The following PRKN variants were observed in gnomAD, a reference collection of about 807,000 sequenced individuals.
PRKN encodes parkin RBR E3 ubiquitin protein ligase, also known as E3 ubiquitin-protein ligase parkin.
Under a neutral mutation model 59.5 loss-of-function variants are expected in PRKN, and 56 were observed. The ratio of observed to expected loss-of-function variants is 0.94; its 90% CI spans 0.76 to 1.18. PRKN has a LOEUF of 1.18. PRKN is among the 50% of genes most tolerant of loss of function. The pLI is 0.00. For missense variants in PRKN, 657 were observed against 596.4 expected, an observed-to-expected ratio of 1.10 and a Z score of -1.06; for synonymous variants, 250 against 222.1, an observed-to-expected ratio of 1.13 and a Z score of -1.12.
intron 5 of PRKN, among the ~76,000 whole-genome samples, chr6:162,008,044 C>A (rs185687532): frequency 1.3e-5 from 2 of 152,228 alleles, no homozygotes; most frequent in Admixed American, 6.5e-5. Flanking sequence ...TGAAGTTCAA[C>A]TGAAAAAACT....
chr6:161,398,562 C>A (rs1467345290), intron 9 of PRKN, among the ~76,000 whole-genome samples: 1 of 152,186 alleles, frequency 6.6e-6, no homozygotes, highest in Non-Finnish European at 1.5e-5. Context: ...GAACTCCACT[C>A]AGAATGTATG....
chr6:162,263,705 G>T (rs1232079307), intron 2 of PRKN, among the ~76,000 whole-genome samples: 2 of 152,030 alleles, frequency 1.3e-5, no homozygotes, highest in African/African-American at 4.8e-5. Flanking sequence ...TCTAATCCCA[G>T]CACTTTGAGA....
rs143363605 is a variant in PRKN at position 161,452,247 on chromosome 6, G to A, written c.1084-65370C>T. On this transcript the variant is annotated intron_variant, in intron 9 of 11. Transcript: ENST00000366898. ...ATTACAGGCATGAGCCACTGCGCCC[G>A]GCCTTAACACACTCTTAAGTACTTC... Among the ~76,000 whole-genome samples, 323 of 152,212 alleles carry A rather than the reference G, an allele frequency of 2.1e-3. 1 individual carries two copies. Among genetic ancestry groups the A allele is most frequent in the African/African-American group, 7.2e-3 (301 of 41,534 alleles).
chr6:162,572,068 A>G (rs2128208976), intron 1 of PRKN, among the ~76,000 whole-genome samples: 1 of 152,082 alleles, frequency 6.6e-6, no homozygotes, highest in East Asian at 1.9e-4. Flanking sequence ...CTCATTACCC[A>G]TCCAGCCTGC....
Position 161,589,844 on chromosome 6 carries a change from A to G in PRKN, c.872-20428T>C, listed in dbSNP as rs187841351. Reference sequence around the variant, plus strand: ...ACCCAGGCTGGTGTGTAGTGGTGCAATCTCAGCTCACTGCAACCTCCACCT... The same window carrying G: ...ACCCAGGCTGGTGTGTAGTGGTGCAGTCTCAGCTCACTGCAACCTCCACCT... On this transcript the variant is annotated intron_variant, in intron 7 of 11. Coordinates refer to ENST00000366898, the MANE Select transcript of PRKN (RefSeq NM_004562.3). Among the ~76,000 whole-genome samples, 263 of 149,482 alleles carry G rather than the reference A, an allele frequency of 1.8e-3. 2 individuals are homozygous for G. The highest frequency in any genetic ancestry group is 3.3e-3 in the Admixed American group (50 of 14,964).
At chr6:161,829,369 C>A (rs1307274885) in intron 6 of PRKN, among the ~76,000 whole-genome samples, 1 of 152,214 alleles carries the variant, frequency 6.6e-6, no homozygotes, top group African/African-American at 2.4e-5. Context: ...AAGTAGACTG[C>A]ACTGGTGGCA....
chr6:162,497,779 G>A (rs956944561), intron 1 of PRKN, among the ~76,000 whole-genome samples: 5 of 152,126 alleles, frequency 3.3e-5, no homozygotes, highest in African/African-American at 4.8e-5. Flanking sequence ...TAAGGGGGGA[G>A]GAGGAAAAGA....
At chr6:161,895,741 T>TCCCCAGTGAGG (rs1777603038) in intron 6 of PRKN, among the ~76,000 whole-genome samples, 1 of 147,776 alleles carries the variant, frequency 6.8e-6, no homozygotes, top group Non-Finnish European at 1.5e-5. Flanking sequence ...GCCGTTATGC[T>TCCCCAGTGAGG]CTTTTTCACC....
chr6:162,584,269 A>C (rs1780919314), intron 1 of PRKN, among the ~76,000 whole-genome samples: 1 of 151,900 alleles, frequency 6.6e-6, no homozygotes, highest in Admixed American at 6.6e-5. Context: ...AACACTGACT[A>C]TATTTACATA....
At chr6:161,586,511 T>G (rs1361126303) in intron 7 of PRKN, among the ~76,000 whole-genome samples, 1 of 152,218 alleles carries the variant, frequency 6.6e-6, no homozygotes, top group East Asian at 1.9e-4. Context: ...CGTTTCTAAA[T>G]GAGATTTTGT....
intron 1 of PRKN, among the ~76,000 whole-genome samples, chr6:162,604,981 T>A (rs1402675632): frequency 8.5e-5 from 13 of 152,222 alleles, no homozygotes; most frequent in African/African-American, 3.1e-4. Flanking sequence ...CACATAGATT[T>A]CTATTTTTTT....
chr6:161,792,550 C>T (rs1562688372), intron 6 of PRKN, among the ~76,000 whole-genome samples: 1 of 152,154 alleles, frequency 6.6e-6, no homozygotes, highest in African/African-American at 2.4e-5. Flanking sequence ...AAAAGCAGCA[C>T]AAGTTAAAAT....
intron 9 of PRKN, among the ~76,000 whole-genome samples, chr6:161,412,598 T>C (rs1396445324): frequency 6.7e-6 from 1 of 148,342 alleles, no homozygotes. Context: ...CACTCAGTCC[T>C]TTCTAACTTA....
rs1485859036 is a variant in PRKN at position 161,560,569 on chromosome 6, GCCACCATCAATCTATT to G, written c.933+8770_933+8785del. Among the ~76,000 whole-genome samples, 1 of 152,090 alleles carries G rather than the reference GCCACCATCAATCTATT, an allele frequency of 6.6e-6. No homozygotes were observed. The highest frequency in any genetic ancestry group is 6.6e-5 in the Admixed American group (1 of 15,266). On this transcript the variant is annotated intron_variant, in intron 8 of 11. Coordinates refer to ENST00000366898, the MANE Select transcript of PRKN (RefSeq NM_004562.3). The surrounding 1 kb of genome is among the most constrained non-coding windows in gnomAD (Gnocchi z 4.9). The stretch of plus-strand genomic sequence containing the variant: ...GGGACTTGAACTCCTGTATGAATAA[GCCACCATCAATCTATT>G]CTTTCTGTTTTACCTTCTCATCCTG...
chr6:162,063,707 G>C (rs10455788), intron 4 of PRKN, among the ~76,000 whole-genome samples: 59,656 of 151,876 alleles, frequency 0.39, 12,242 homozygotes, highest in Admixed American at 0.49. Flanking sequence ...ACCACACCCG[G>C]CTAATTTTTG....
At chr6:162,315,224 T>C (rs1236632783) in intron 2 of PRKN, among the ~76,000 whole-genome samples, 2 of 152,210 alleles carry the variant, frequency 1.3e-5, no homozygotes, top group Admixed American at 1.3e-4. Flanking sequence ...ACCGACTTCC[T>C]ATGTGCTAAA....
chr6:162,537,657 A>G (rs1212865080), intron 1 of PRKN, among the ~76,000 whole-genome samples: 1 of 152,182 alleles, frequency 6.6e-6, no homozygotes, highest in Admixed American at 6.5e-5. Context: ...GGCAAACAGA[A>G]TCAGACAGAA....
intron 1 of PRKN, among the ~76,000 whole-genome samples, chr6:162,659,509 G>A (rs1275268268): frequency 6.6e-6 from 1 of 152,120 alleles, no homozygotes; most frequent in Non-Finnish European, 1.5e-5. Context: ...AAGAATTGAT[G>A]AATTCATCAC....
At chr6:161,490,832 T>C (rs1284245559) in intron 9 of PRKN, among the ~76,000 whole-genome samples, 4 of 152,180 alleles carry the variant, frequency 2.6e-5, no homozygotes, top group Non-Finnish European at 5.9e-5. Context: ...CCATCGGTGC[T>C]GTTCTCGTGA....
Sources: gnomAD v4.1 joint callset for allele counts (sites outside exome capture counted in the v4.1 genomes callset) on GRCh38, gnomAD v4.1.1 for gene constraint, Gnocchi (gnomAD v3.1) non-coding constraint, MANE v1.5 for transcripts, NCBI Gene and HGNC (gene_info 2026-07-23, HGNC 2026-07-21) for gene names.